The following SLC24A3 variants were observed in gnomAD, a reference collection of about 807,000 sequenced individuals.
The protein encoded by SLC24A3 is solute carrier family 24 member 3, also known as sodium/potassium/calcium exchanger 3.
In SLC24A3, 28 loss-of-function variants were observed where a neutral mutation model predicts 75.8. The ratio of observed to expected loss-of-function variants is 0.37; its 90% confidence interval spans 0.27 to 0.51. The LOEUF is 0.51. SLC24A3 is among the 20% of genes least tolerant of loss of function. The pLI is 0.94. For missense variants in SLC24A3, 663 were observed against 847.8 expected (o/e 0.78, Z 2.71); for synonymous variants, 372 against 334.1 (o/e 1.11, Z -1.24).
rs1600409198 is a variant in SLC24A3, at chr20:19,280,976, C to T, written c.160C>T (p.Leu54Phe). 6.2e-7 allele frequency: 1 copy of T among 1,613,710 alleles called. No homozygotes were observed. The highest frequency in any genetic ancestry group is 8.5e-7 in the Non-Finnish European group (1 of 1,179,776). The change falls in exon 2 of 17, where the codon CTC becomes TTC. Residue 54 changes from leucine (L) to phenylalanine (F), a missense_variant. Around this residue, in one of 2 missense-constraint regions of SLC24A3, gnomAD observed 153 missense variants for 144.2 expected, o/e 1.06. Coordinates refer to ENST00000328041, the MANE Select transcript of SLC24A3 (RefSeq NM_020689.4). ...CTCCCCAGAGCTTGACCTCATGGAC[C>T]TCGTAGGGGAAGACAGAAAGTGGAT... ...REQKELDLMD[L>F]VGEDRKWMMA...
At chr20:19,265,231 C>T (rs1983130365) in intron 1 of SLC24A3, among the ~76,000 whole-genome samples, 2 of 152,320 alleles carry the variant, frequency 1.3e-5, no homozygotes, top group Admixed American at 1.3e-4. Flanking sequence ...CTTGCTCCAC[C>T]ATCAGTGGCC....
chr20:19,544,853 A>T (rs1001592131), intron 3 of SLC24A3, among the ~76,000 whole-genome samples: 1 of 152,158 alleles, frequency 6.6e-6, no homozygotes, highest in Non-Finnish European at 1.5e-5. Context: ...AAGCAACTCC[A>T]AGCAATAGTA....
At chr20:19,651,597 C>T (rs895040950) in intron 6 of SLC24A3, among the ~76,000 whole-genome samples, 1 of 152,094 alleles carries the variant, frequency 6.6e-6, no homozygotes, top group African/African-American at 2.4e-5. Context: ...CCGTGGCTCA[C>T]GCCTGTAATC....
At chr20:19,301,364 G>T (rs767542496) in intron 2 of SLC24A3, among the ~76,000 whole-genome samples, 5 of 152,164 alleles carry the variant, frequency 3.3e-5, no homozygotes, top group Non-Finnish European at 5.9e-5. Flanking sequence ...TCTTAAGACC[G>T]TAAGTTAGTC....
rs898398777 is a variant in SLC24A3, at chr20:19,579,090, A to C, written c.349-910A>C. Among the ~76,000 whole-genome samples, 8 of 152,336 alleles carry C rather than the reference A, an allele frequency of 5.3e-5. No homozygotes were observed. In the South Asian group the frequency reaches 1.4e-3, roughly 28 times the overall value. The stretch of plus-strand genomic sequence containing the variant: ...AATGGCCACAGCTAAGGAATACTAC[A>C]TACTGATTGACCAATCAGCATCCAC... On this transcript the variant is annotated intron_variant, in intron 3 of 16. Coordinates refer to ENST00000328041, the MANE Select transcript of SLC24A3 (RefSeq NM_020689.4).
At chr20:19,627,538 G>A (rs1375720228) in intron 6 of SLC24A3, among the ~76,000 whole-genome samples, 1 of 151,948 alleles carries the variant, frequency 6.6e-6, no homozygotes, top group East Asian at 1.9e-4. Flanking sequence ...GATGGACTGA[G>A]GATGGGGGGA....
chr20:19,569,142 C>G (rs901411044), intron 3 of SLC24A3, among the ~76,000 whole-genome samples: 1 of 152,174 alleles, frequency 6.6e-6, no homozygotes, highest in Non-Finnish European at 1.5e-5. Flanking sequence ...CCTTCCCTGG[C>G]CAGCCCCCAG....
intron 1 of SLC24A3, among the ~76,000 whole-genome samples, chr20:19,243,655 G>A (rs1459992052): frequency 6.6e-6 from 1 of 152,146 alleles, no homozygotes; most frequent in Non-Finnish European, 1.5e-5. Context: ...TGCAGTCTTT[G>A]ACATTGTGGA....
chr20:19,603,399 G>C (rs941243958), intron 6 of SLC24A3, among the ~76,000 whole-genome samples: 1 of 152,180 alleles, frequency 6.6e-6, no homozygotes, highest in Non-Finnish European at 1.5e-5. Flanking sequence ...AAAGAGTTCC[G>C]TGTGGAATGG....
intron 2 of SLC24A3, among the ~76,000 whole-genome samples, chr20:19,398,539 A>T (rs533227570): frequency 1.3e-5 from 2 of 152,144 alleles, no homozygotes; most frequent in Non-Finnish European, 2.9e-5. Flanking sequence ...GTATCTTGCA[A>T]CCTTGTGAAA....
chr20:19,409,024 G>A (rs1249243999), intron 2 of SLC24A3, among the ~76,000 whole-genome samples: 1 of 152,172 alleles, frequency 6.6e-6, no homozygotes, highest in Non-Finnish European at 1.5e-5. Flanking sequence ...AGACGATCCA[G>A]AAACACATCA....
chr20:19,233,533 C>T (rs1222748244), intron 1 of SLC24A3, among the ~76,000 whole-genome samples: 1 of 152,200 alleles, frequency 6.6e-6, no homozygotes, highest in African/African-American at 2.4e-5. Flanking sequence ...GAAGGGGAGA[C>T]AAGAAATATA....
chr20:19,410,220 T>C (rs1555791960), intron 2 of SLC24A3, among the ~76,000 whole-genome samples: 1 of 151,706 alleles, frequency 6.6e-6, no homozygotes, highest in Non-Finnish European at 1.5e-5. Context: ...CTAGAAAAAA[T>C]ACCTACAAAG....
At chr20:19,672,119 T>C (rs921411534) in intron 8 of SLC24A3, among the ~76,000 whole-genome samples, 1 of 152,036 alleles carries the variant, frequency 6.6e-6, no homozygotes, top group Non-Finnish European at 1.5e-5. Flanking sequence ...TGACAGGTGA[T>C]TCAGGAGATC....
At chr20:19,500,397 C>T (rs1400870882) in intron 2 of SLC24A3, among the ~76,000 whole-genome samples, 2 of 152,144 alleles carry the variant, frequency 1.3e-5, no homozygotes, top group Non-Finnish European at 2.9e-5. Context: ...TTTTGCTTCT[C>T]TCCTCATCTT....
intron 9 of SLC24A3, among the ~76,000 whole-genome samples, chr20:19,678,562 G>T (rs2032561164): frequency 1.4e-5 from 2 of 140,752 alleles, no homozygotes; most frequent in African/African-American, 2.7e-5. Flanking sequence ...GGGCAGAGGG[G>T]CTCCTCACTT....
intron 2 of SLC24A3, among the ~76,000 whole-genome samples, chr20:19,420,464 A>G (rs1351393985): frequency 3.5e-5 from 5 of 144,470 alleles, no homozygotes; most frequent in Admixed American, 7.0e-5. Context: ...AAGTGTTCCT[A>G]TTTCTCCACA....
intron 9 of SLC24A3, among the ~76,000 whole-genome samples, chr20:19,678,925 T>C (rs1456332089): frequency 2.1e-5 from 3 of 145,894 alleles, no homozygotes; most frequent in African/African-American, 7.8e-5. Context: ...GCAAAGGCGC[T>C]CCCCACATCT....
chr20:19,343,088 A>AAAAAAAAAAAAAAAAAAG (rs1568594815), intron 2 of SLC24A3, among the ~76,000 whole-genome samples: 1 of 147,188 alleles, frequency 6.8e-6, no homozygotes, highest in African/African-American at 2.7e-5. Flanking sequence ...AAAAAAAGAA[A>AAAAAAAAAAAAAAAAAAG]AAAGAAAAAG....
Sources: allele counts gnomAD v4.1 joint callset (sites outside exome capture counted in the v4.1 genomes callset), GRCh38; gene constraint gnomAD v4.1.1; regional missense constraint gnomAD v4.1.1; transcripts MANE v1.5; gene names NCBI Gene and HGNC (gene_info 2026-07-23, HGNC 2026-07-21).